Variants in CCDC93 observed in about 807,000 individuals in gnomAD.
CCDC93 encodes CCC complex scaffolding subunit CCDC93, also known as coiled-coil domain-containing protein 93.
A neutral mutation model predicts 108.2 loss-of-function variants in CCDC93; 61 were observed. That is an observed-to-expected ratio of 0.56 (90% CI 0.46 to 0.70). The LOEUF (loss-of-function observed/expected upper bound fraction) is 0.70. CCDC93 is among the 30% of genes least tolerant of loss of function. CCDC93 has a pLI of 0.00. For synonymous variants in CCDC93, 276 were observed against 260.4 expected (o/e 1.06, Z -0.58); for missense variants, 685 against 764.2 (o/e 0.90, Z 1.22).
At chr2:117,980,426 C>T (rs1680080955) in intron 7 of CCDC93, among the ~76,000 whole-genome samples, 1 of 152,064 alleles carries the variant, frequency 6.6e-6, no homozygotes, top group Admixed American at 6.6e-5. Flanking sequence ...TATCTAAGGC[C>T]CAGGGACTTC....
intron 8 of CCDC93, among the ~76,000 whole-genome samples, 193 bp downstream of exon 8, chr2:117,977,801 C>A (rs1679990182): frequency 6.6e-6 from 1 of 152,204 alleles, no homozygotes; most frequent in East Asian, 1.9e-4. Flanking sequence ...CAGGAGGAGA[C>A]TGCTGCTTTG....
At chr2:118,007,769 G>C (rs931269194) in intron 2 of CCDC93, among the ~76,000 whole-genome samples, 1 of 152,214 alleles carries the variant, frequency 6.6e-6, no homozygotes, top group South Asian at 2.1e-4. Flanking sequence ...CAGGGCCCAA[G>C]CCCAGACCTA....
intron 11 of CCDC93, among the ~76,000 whole-genome samples, chr2:117,964,869 C>T (rs1370334542): frequency 6.6e-6 from 1 of 152,192 alleles, no homozygotes. Context: ...TCCCAAAATG[C>T]TTGGATTACA....
chr2:117,947,363 G>A (rs1032683181), intron 15 of CCDC93, among the ~76,000 whole-genome samples: 6 of 152,076 alleles, frequency 3.9e-5, no homozygotes, highest in Non-Finnish European at 8.8e-5. Flanking sequence ...CACAGAACTT[G>A]CCAGGCCTCA....
At chr2:117,922,857 G>C (rs1263504890) in intron 23 of CCDC93, among the ~76,000 whole-genome samples, 1 of 152,146 alleles carries the variant, frequency 6.6e-6, no homozygotes, top group Non-Finnish European at 1.5e-5. Flanking sequence ...ATATGGGGTA[G>C]AGGCTGTGGA....
chr2:117,973,414 G>C (rs201575964), intron 11 of CCDC93, among the ~76,000 whole-genome samples: 1 of 142,286 alleles, frequency 7.0e-6, no homozygotes, highest in Non-Finnish European at 1.5e-5. Flanking sequence ...TCTTAGGATG[G>C]AAAAAAAAAA....
intron 7 of CCDC93, among the ~76,000 whole-genome samples, chr2:117,984,097 A>G (rs1392905885): frequency 1.3e-5 from 2 of 152,154 alleles, no homozygotes; most frequent in East Asian, 3.9e-4. Flanking sequence ...CTCAAAGAGG[A>G]GAATGAGCTA....
Position 117,974,867 on chromosome 2 carries a change from CGGTCATCTT to C in CCDC93, c.775_783del (p.Lys259_Thr261del), listed in dbSNP as rs779106928. 8.3e-6 allele frequency: 13 copies of C among 1,571,484 alleles called. No homozygotes were observed. Among genetic ancestry groups the C allele is most frequent in the Non-Finnish European group, 1.1e-5 (13 of 1,157,626 alleles). Reference sequence around the variant, plus strand: ...CCACTCACCTCCTCATTTGCCATAGCGGTCATCTTGGTCATCAGCGACTGAATACGCTGC... The same window carrying C: ...CCACTCACCTCCTCATTTGCCATAGCGGTCATCAGCGACTGAATACGCTGC... On this transcript the variant is annotated inframe_deletion, in exon 10 of 24. Transcript: ENST00000376300.
intron 8 of CCDC93, among the ~76,000 whole-genome samples, chr2:117,976,799 G>T (rs980894850): frequency 6.6e-6 from 1 of 152,304 alleles, no homozygotes; most frequent in Non-Finnish European, 1.5e-5. Context: ...TGAGACAACA[G>T]TCAACACAGG....
intron 23 of CCDC93, among the ~76,000 whole-genome samples, chr2:117,921,024 TA>T (rs1453803321): frequency 5.9e-5 from 1 of 16,850 alleles, no homozygotes; most frequent in African/African-American, 7.3e-4. Flanking sequence ...ACTAAAAATA[TA>T]AATTAGCCAG....
In CCDC93 at chr2:117,958,426, T is replaced by C. The variant is rs1679285734; in HGVS notation, c.944A>G (p.His315Arg). The C allele has an allele frequency of 3.1e-6, 5 of 1,614,028 alleles. No individual in the cohort carries two copies. The highest frequency in any genetic ancestry group is 1.1e-5 in the South Asian group (1 of 91,082). The change falls in exon 12 of 24, where the codon CAT becomes CGT. Residue 315 changes from histidine (H) to arginine (R), a missense_variant. Physicochemically the swap from His to Arg is conservative, Grantham distance 29. Coordinates refer to ENST00000376300, the MANE Select transcript of CCDC93 (RefSeq NM_019044.5). ...SPEKLGTSQL[H>R]RRKVISLNKQ... Reference sequence around the variant, plus strand: ...GTTCAAGGAAATGACTTTCCGGCGATGTAGCTGGGAGGTTCCTAATTTTTC... The same window carrying C: ...GTTCAAGGAAATGACTTTCCGGCGACGTAGCTGGGAGGTTCCTAATTTTTC...
At chr2:117,957,219 G>C (rs994521673) in intron 12 of CCDC93, among the ~76,000 whole-genome samples, 1 of 152,072 alleles carries the variant, frequency 6.6e-6, no homozygotes, top group African/African-American at 2.4e-5. Context: ...CTTCTTCTAC[G>C]TGTATTCTTC....
intron 23 of CCDC93, among the ~76,000 whole-genome samples, chr2:117,925,342 T>C (rs1212035593): frequency 1.3e-5 from 2 of 151,794 alleles, no homozygotes; most frequent in East Asian, 3.9e-4. Flanking sequence ...GGATAAAGAG[T>C]CAAGACCCAT....
Position 117,932,975 on chromosome 2 carries a change from A to C in CCDC93, c.1729-1825T>G, listed in dbSNP as rs1436376727. Among the ~76,000 whole-genome samples, 69 of 152,126 alleles carry C rather than the reference A, an allele frequency of 4.5e-4. 1 individual carries two copies. Among genetic ancestry groups the C allele is most frequent in the Non-Finnish European group, 8.8e-5 (6 of 68,006 alleles). ...ACTTCACCGTGACTGATTATGTCCTAGTGAGGTAGCAATGCGCTTGAATTA... is the reference window on the plus strand; with the variant it reads ...ACTTCACCGTGACTGATTATGTCCTCGTGAGGTAGCAATGCGCTTGAATTA... On this transcript the variant is annotated intron_variant, in intron 22 of 23. Coordinates refer to ENST00000376300, the MANE Select transcript of CCDC93 (RefSeq NM_019044.5).
chr2:117,944,622 A>T, intron 17 of CCDC93: 3 of 430,776 alleles, frequency 7.0e-6, no homozygotes, highest in Non-Finnish European at 1.5e-5. Context: ...GAGACATGGT[A>T]AGAGACATGG....
chr2:117,926,362 A>G (rs1678095316), intron 23 of CCDC93, among the ~76,000 whole-genome samples: 1 of 152,214 alleles, frequency 6.6e-6, no homozygotes. Flanking sequence ...CAAAATTGAT[A>G]GACTGCTAGC....
chr2:117,946,690 A>T (rs1361735538), intron 16 of CCDC93, 121 bp downstream of exon 16: 2 of 671,942 alleles, frequency 3.0e-6, no homozygotes, highest in African/African-American at 3.6e-5. Flanking sequence ...GAAGGAAAAC[A>T]GTTGAGGAAT....
chr2:117,958,324 C>A, intron 12 of CCDC93, 41 bp downstream of exon 12: 1 of 1,286,560 alleles, frequency 7.8e-7, no homozygotes, highest in Non-Finnish European at 1.1e-6. Flanking sequence ...ACCAATCTAC[C>A]ATGAAGATCT....
rs1157255635 is a variant in CCDC93, at chr2:117,919,076, A to C, written c.*1267T>G. 1.3e-5 allele frequency: 2 copies of C among 152,168 alleles called. No homozygotes were observed. The highest frequency in any genetic ancestry group is 2.4e-5 in the African/African-American group (1 of 41,440). 9.4% of individuals were successfully genotyped at this position (152,168 alleles called of 1,614,324 possible). A position where few individuals can be genotyped will look rare whatever the true frequency, so the allele number is the denominator to read the frequency against. On this transcript the variant is annotated 3_prime_UTR_variant, in exon 24 of 24. Coordinates refer to ENST00000376300, the MANE Select transcript of CCDC93 (RefSeq NM_019044.5). ...TTTATGCAAAATGGAGCACAAACCT[A>C]CAGAACATGACTGAGTTACCAGACT... is the stretch of plus-strand genomic sequence containing the variant.
Sources: allele counts gnomAD v4.1 joint callset (sites outside exome capture counted in the v4.1 genomes callset), GRCh38; gene constraint gnomAD v4.1.1; transcripts MANE v1.5; gene names NCBI Gene and HGNC (gene_info 2026-07-23, HGNC 2026-07-21).